Variants in NEB observed in about 807,000 individuals in gnomAD.
NEB encodes the protein nebulin.
A neutral mutation model predicts 952.2 loss-of-function variants in NEB; 512 were observed. That is an observed-to-expected ratio of 0.54 (90% CI 0.50 to 0.58). NEB has a LOEUF of 0.58. Among genes scored for constraint, NEB ranks in the 20% least tolerant of loss-of-function variants. NEB has a pLI of 0.00. For synonymous variants in NEB, 2,900 were observed against 3,149.8 expected (o/e 0.92, Z 2.66); for missense variants, 8,428 against 9,231.1 (o/e 0.91, Z 3.56).
chr2:151,707,030 C>T (rs760414353), intron 12 of NEB, 33 bp from the exon 13 acceptor site: 2 of 1,399,940 alleles, frequency 1.4e-6, no homozygotes, highest in Non-Finnish European at 2.0e-6. Flanking sequence ...TAAAGTAACT[C>T]TATGGGTTAT....
At chr2:151,576,065 T>C in intron 106 of NEB, 86 bp downstream of exon 106, 6 of 1,095,092 alleles carry the variant, frequency 5.5e-6, no homozygotes, top group Non-Finnish European at 7.6e-6. Flanking sequence ...ATAAAGTTTT[T>C]ATTATTCTAA....
intron 13 of NEB, among the ~76,000 whole-genome samples, chr2:151,698,091 A>G (rs1306931086): frequency 6.6e-6 from 1 of 152,120 alleles, no homozygotes; most frequent in East Asian, 1.9e-4. Flanking sequence ...AAAACAAAAC[A>G]AAACAAAAAG....
chr2:151,531,027 C>A lies in NEB; in HGVS notation c.21597G>T (p.Leu7199=). ...YTTIHDTPML[L]HVRKVKDEVS... ...CTTCATCTTTAACCTTGCGGACATGCAGCAACATGGGTGTGTCGTGGATTG... is the reference window on the plus strand; with the variant it reads ...CTTCATCTTTAACCTTGCGGACATGAAGCAACATGGGTGTGTCGTGGATTG... The change falls in exon 145 of 182, where the codon CTG becomes CTT. Residue 7199 remains leucine, a synonymous_variant. Coordinates refer to ENST00000397345, the MANE Select transcript of NEB (RefSeq NM_001164508.2). 6.2e-7 allele frequency: 1 copy of A among 1,613,394 alleles called. No homozygotes were observed. The highest frequency in any genetic ancestry group is 8.5e-7 in the Non-Finnish European group (1 of 1,179,512).
rs906022802 is a variant in NEB at position 151,663,988 on chromosome 2, C to T, written c.5452-129G>A. 2.4e-5 allele frequency: 21 copies of T among 879,196 alleles called. No homozygotes were observed. In the East Asian group the frequency reaches 3.1e-4, roughly 13 times the overall value. The allele number at this position is 879,196 out of a possible 1,614,324, so 54.5% of individuals were successfully genotyped here. A position where few individuals can be genotyped will look rare whatever the true frequency, so the allele number is the denominator to read the frequency against. ...ACTCTAAAATTGGAAGGGAGGCACT[C>T]GTGAGAGGGAGGGAGCAAACTCTTT... On this transcript the variant is annotated intron_variant, in intron 44 of 181. Transcript: ENST00000397345.
Position 151,529,246 on chromosome 2 carries a change from G to A in NEB, c.21699C>T (p.Ile7233=). The A allele has an allele frequency of 6.2e-7, 1 of 1,613,498 alleles. No homozygotes were observed. The highest frequency in any genetic ancestry group is 8.5e-7 in the Non-Finnish European group (1 of 1,179,460). Residue 7233 remains isoleucine (I), a synonymous_variant, in exon 146 of 182, where the codon ATC becomes ATT. Coordinates refer to ENST00000397345, the MANE Select transcript of NEB (RefSeq NM_001164508.2). ...NCTIEPDAVH[I]KAAKDAYKVN... is the part of the protein sequence containing the mutation. ...CTTTGTAGGCGTCCTTGGCTGCTTTGATATGAACAGCATCTGGCTCAATGG... is the reference window on the plus strand; with the variant it reads ...CTTTGTAGGCGTCCTTGGCTGCTTTAATATGAACAGCATCTGGCTCAATGG...
At chr2:151,499,666 C>A in intron 168 of NEB, 1 of 289,968 alleles carries the variant, frequency 3.4e-6, no homozygotes, top group Non-Finnish European at 6.5e-6. Flanking sequence ...CAAATAATTT[C>A]CTAAGACCAC....
chr2:151,656,268 T>C lies in NEB; in HGVS notation c.6380A>G (p.Asp2127Gly). The change falls in exon 49 of 182, where the codon GAT becomes GGT. Residue 2127 changes from aspartate to glycine, a missense_variant. Physicochemically the swap from Asp to Gly is moderately conservative, Grantham distance 94. Coordinates refer to ENST00000397345, the MANE Select transcript of NEB (RefSeq NM_001164508.2). ...ADMLSVTAAK[D>G]AQANITNTNY... ...AGTGTTGGTGATGTTGGCTTGGGCA[T>C]CCTTTGCAGCCGTGACACTGAGCAT... The C allele has an allele frequency of 1.2e-6, 2 of 1,613,674 alleles. No homozygotes were observed. Among genetic ancestry groups the C allele is most frequent in the Non-Finnish European group, 1.7e-6 (2 of 1,179,740 alleles).
In NEB at chr2:151,546,336, T is replaced by C. The variant is rs767636080; in HGVS notation, c.20466+9A>G. 4 of 1,606,628 alleles carry C rather than the reference T, an allele frequency of 2.5e-6. No homozygotes were observed. The South Asian group carries it at 4.4e-5, about 18-fold the overall frequency. ...GGGGTAATTATGCATTGTGATGATG[T>C]GCACTCACCCAGAGCTTCCGCAGGT... is the stretch of plus-strand genomic sequence containing the variant. On this transcript the variant is annotated intron_variant, in intron 134 of 181. Transcript: ENST00000397345.
chr2:151,492,222 A>G lies in NEB; in HGVS notation c.24933T>C (p.Asp8311=), dbSNP rs1346509416. Reference sequence around the variant, plus strand: ...TCTTCTTTACTCGTTCAGTGATAGGATCTGTCACCACTGGTGTGAAGCAAC... The same window carrying G: ...TCTTCTTTACTCGTTCAGTGATAGGGTCTGTCACCACTGGTGTGAAGCAAC... ...HKGCFTPVVT[D]PITERVKKNM... Residue 8311 remains aspartate (D), a synonymous_variant, in exon 178 of 182, where the codon GAT becomes GAC. Transcript: ENST00000397345. The G allele has an allele frequency of 1.9e-6, 3 of 1,613,774 alleles. No homozygotes were observed. Among genetic ancestry groups the G allele is most frequent in the Non-Finnish European group, 2.5e-6 (3 of 1,179,858 alleles).
chr2:151,508,648 G>T (rs1376633765), intron 161 of NEB, among the ~76,000 whole-genome samples: 3 of 152,244 alleles, frequency 2.0e-5, no homozygotes, highest in Admixed American at 6.5e-5. Flanking sequence ...AGGCCCAGAG[G>T]CATTTCCAGA....
intron 145 of NEB, 132 bp from the exon 146 acceptor site, chr2:151,529,446 C>T: frequency 1.5e-6 from 1 of 663,664 alleles, no homozygotes; most frequent in Non-Finnish European, 2.7e-6. Flanking sequence ...TAAAAATCTG[C>T]TGTGGAGCAA....
Position 151,697,461 on chromosome 2 carries a change from CA to C in NEB, c.1258-5del, listed in dbSNP as rs1197704605. The stretch of plus-strand genomic sequence containing the variant: ...AGTAGGAATCTTTATATTTTTTCTG[CA>C]AGACAAAACATACTTCATTTATTAA... On this transcript the variant is annotated splice_region_variant and splice_polypyrimidine_tract_variant and intron_variant, in intron 14 of 181. Coordinates refer to ENST00000397345, the MANE Select transcript of NEB (RefSeq NM_001164508.2). 2 of 1,608,904 alleles carry C rather than the reference CA, an allele frequency of 1.2e-6. No homozygotes were observed. Among genetic ancestry groups the C allele is most frequent in the South Asian group, 2.2e-5 (2 of 90,206 alleles).
At chr2:151,568,842 T>C in intron 110 of NEB, 126 bp from the exon 111 acceptor site, 1 of 692,328 alleles carries the variant, frequency 1.4e-6, no homozygotes, top group Non-Finnish European at 2.4e-6. Flanking sequence ...TAGCGTCTTC[T>C]TGGGAATTTG....
chr2:151,561,223 GCCACTCTGAACAGC>G lies in NEB; in HGVS notation c.19072_19085del (p.Ala6358HisfsTer2). On this transcript the variant is annotated frameshift_variant, in exon 122 of 182. Transcript: ENST00000397345. LOFTEE classifies it high-confidence loss of function. The stretch of plus-strand genomic sequence containing the variant: ...GAAGACGCACCTCACTGGCATTAAT[GCCACTCTGAACAGC>G]AGTCACATAGAGGGGCGTGTCTGTG... 1 of 1,607,588 alleles carries G rather than the reference GCCACTCTGAACAGC, an allele frequency of 6.2e-7. No homozygotes were observed. Among genetic ancestry groups the G allele is most frequent in the Non-Finnish European group, 8.5e-7 (1 of 1,176,382 alleles).
chr2:151,518,243 A>T (rs926718916), intron 156 of NEB, 75 bp downstream of exon 156: 6 of 1,026,812 alleles, frequency 5.8e-6, no homozygotes, highest in Non-Finnish European at 9.3e-6. Context: ...AATGGAGGGA[A>T]TCTATGAAAT....
chr2:151,722,772 C>T (rs2099778448), intron 9 of NEB, among the ~76,000 whole-genome samples: 1 of 152,140 alleles, frequency 6.6e-6, no homozygotes, highest in African/African-American at 2.4e-5. Flanking sequence ...TGATCTCAGA[C>T]TCCTGGCTTC....
intron 109 of NEB, 95 bp from the exon 110 acceptor site, chr2:151,569,467 C>T: frequency 2.1e-6 from 2 of 933,928 alleles, no homozygotes; most frequent in Non-Finnish European, 3.5e-6. Flanking sequence ...AATGTAAATG[C>T]TATATAAGCC....
At chr2:151,502,377 C>A (rs1249927324) in intron 167 of NEB, among the ~76,000 whole-genome samples, 3 of 124,114 alleles carry the variant, frequency 2.4e-5, no homozygotes, top group African/African-American at 8.7e-5. Flanking sequence ...AATAAATAAA[C>A]ATCTAAACAT....
chr2:151,679,867 G>C, intron 31 of NEB, 39 bp from the exon 32 acceptor site: 1 of 1,605,536 alleles, frequency 6.2e-7, no homozygotes, highest in African/African-American at 1.3e-5. Flanking sequence ...CTTAGAGACT[G>C]TGTTAGTAAA....
Sources: gnomAD v4.1 joint callset for allele counts (sites outside exome capture counted in the v4.1 genomes callset) on GRCh38, gnomAD v4.1.1 for gene constraint, MANE v1.5 for transcripts, NCBI Gene and HGNC (gene_info 2026-07-23, HGNC 2026-07-21) for gene names.